The following PARD3 variants were observed in gnomAD, a reference collection of about 807,000 sequenced individuals.
The protein encoded by PARD3 is par-3 family cell polarity regulator.
PARD3 carries 75 observed loss-of-function variants against 155.4 expected under a neutral mutation model. The ratio of observed to expected loss-of-function variants is 0.48; its 90% CI spans 0.40 to 0.58. PARD3 has a LOEUF of 0.58. Ranked by LOEUF, PARD3 falls within the 20% of genes least tolerant of loss-of-function variation. PARD3 has a pLI of 0.00. For missense variants in PARD3, 1,642 were observed against 1,721.7 expected (o/e 0.95, Z 0.82); for synonymous variants, 576 against 610.5 (o/e 0.94, Z 0.83).
chr10:34,532,507 C>T (rs943245316), intron 2 of PARD3, among the ~76,000 whole-genome samples: 13 of 152,090 alleles, frequency 8.5e-5, no homozygotes, highest in African/African-American at 3.1e-4. Context: ...CTATGTGCCA[C>T]ATGGTGTGAA....
At chr10:34,691,278 T>C (rs1390752122) in intron 2 of PARD3, among the ~76,000 whole-genome samples, 2 of 152,058 alleles carry the variant, frequency 1.3e-5, no homozygotes, top group African/African-American at 2.4e-5. Context: ...TAAAAATCAG[T>C]AGCATTCCTA....
chr10:34,438,621 A>G (rs551385678), intron 5 of PARD3, among the ~76,000 whole-genome samples: 1 of 152,316 alleles, frequency 6.6e-6, no homozygotes, highest in South Asian at 2.1e-4. Context: ...TTGAAAGACT[A>G]TTTACCCAAA....
intron 2 of PARD3, among the ~76,000 whole-genome samples, chr10:34,616,853 T>A (rs977573570): frequency 6.8e-6 from 1 of 147,754 alleles, no homozygotes; most frequent in African/African-American, 2.5e-5. Context: ...AAGAAACATA[T>A]GAGCATGGGA....
intron 2 of PARD3, among the ~76,000 whole-genome samples, chr10:34,555,326 A>G (rs1268835776): frequency 6.6e-6 from 1 of 152,196 alleles, no homozygotes; most frequent in Non-Finnish European, 1.5e-5. Flanking sequence ...GTTACCTTTA[A>G]ACACATGAAC....
chr10:34,579,843 T>A (rs1403046381), intron 2 of PARD3, among the ~76,000 whole-genome samples: 2 of 151,124 alleles, frequency 1.3e-5, no homozygotes, highest in African/African-American at 4.9e-5. Flanking sequence ...CCTGACCTTG[T>A]GATCCGCCTG....
chr10:34,488,082 G>T (rs1351941508), intron 3 of PARD3, among the ~76,000 whole-genome samples: 1 of 152,040 alleles, frequency 6.6e-6, no homozygotes, highest in Non-Finnish European at 1.5e-5. Flanking sequence ...CTAGCAATTT[G>T]CCAATTTCAT....
rs371301395 is a variant in PARD3 at position 34,460,725 on chromosome 10, C to G, written c.582+9360G>C. Among the ~76,000 whole-genome samples the G allele has an allele frequency of 2.0e-5, 3 of 151,940 alleles. No homozygotes were observed. The South Asian group carries it at 6.2e-4, about 32-fold the overall frequency. On this transcript the variant is annotated intron_variant, in intron 4 of 24. Transcript: ENST00000374788. ...GCAGGCACCTGTAGTCCCAGCTACT[C>G]GGGAGGCTGAGGCAGGAGAATGGCA... is the stretch of plus-strand genomic sequence containing the variant.
intron 22 of PARD3, among the ~76,000 whole-genome samples, chr10:34,240,155 G>A (rs1162596477): frequency 1.3e-5 from 2 of 152,130 alleles, no homozygotes; most frequent in Non-Finnish European, 2.9e-5. Context: ...TAAGCAACTT[G>A]ATCGAGATAA....
intron 3 of PARD3, among the ~76,000 whole-genome samples, chr10:34,477,335 G>T (rs2078783431): frequency 6.6e-6 from 1 of 152,118 alleles, no homozygotes; most frequent in Non-Finnish European, 1.5e-5. Flanking sequence ...ATATTAAAAA[G>T]AAAATTCAAA....
At chr10:34,437,292 T>G (rs1020372293) in intron 5 of PARD3, among the ~76,000 whole-genome samples, 4 of 152,146 alleles carry the variant, frequency 2.6e-5, no homozygotes, top group Admixed American at 2.6e-4. Flanking sequence ...TACACTCCAG[T>G]GACTAAGAAA....
intron 14 of PARD3, among the ~76,000 whole-genome samples, chr10:34,353,996 T>A (rs1277330456): frequency 6.6e-6 from 1 of 151,408 alleles, no homozygotes; most frequent in Non-Finnish European, 1.5e-5. Flanking sequence ...TGTAGTTAGA[T>A]AAAACCATTA....
intron 5 of PARD3, among the ~76,000 whole-genome samples, chr10:34,441,379 G>A (rs553600085): frequency 6.6e-6 from 1 of 152,206 alleles, no homozygotes; most frequent in African/African-American, 2.4e-5. Context: ...CTGCCAAATG[G>A]GTATGATTTT....
chr10:34,163,766 C>T (rs1033208382), intron 22 of PARD3, among the ~76,000 whole-genome samples: 2 of 152,144 alleles, frequency 1.3e-5, no homozygotes, highest in Non-Finnish European at 2.9e-5. Flanking sequence ...GCTCACGCAC[C>T]GTTACGGGGG....
intron 2 of PARD3, among the ~76,000 whole-genome samples, chr10:34,594,432 G>A (rs1419975126): frequency 6.6e-6 from 1 of 152,132 alleles, no homozygotes; most frequent in African/African-American, 2.4e-5. Context: ...ACTGTGTGAT[G>A]CACTTATACC....
At chr10:34,619,597 G>C (rs2091494135) in intron 2 of PARD3, among the ~76,000 whole-genome samples, 1 of 151,902 alleles carries the variant, frequency 6.6e-6, no homozygotes, top group African/African-American at 2.4e-5. Flanking sequence ...GAATACTCCA[G>C]CATGGGTAGT....
chr10:34,234,668 T>G (rs1953121635), intron 22 of PARD3, among the ~76,000 whole-genome samples: 1 of 152,188 alleles, frequency 6.6e-6, no homozygotes, highest in African/African-American at 2.4e-5. Context: ...TACAAAATAT[T>G]TATTCATTTA....
At chr10:34,796,871 G>T (rs959093046) in intron 1 of PARD3, among the ~76,000 whole-genome samples, 4 of 152,188 alleles carry the variant, frequency 2.6e-5, no homozygotes, top group Non-Finnish European at 4.4e-5. Flanking sequence ...TGTAATCCCA[G>T]CTACTCGGGA....
chr10:34,678,677 T>C (rs555313042), intron 2 of PARD3, among the ~76,000 whole-genome samples: 27 of 152,182 alleles, frequency 1.8e-4, no homozygotes, highest in East Asian at 1.7e-3. Flanking sequence ...CATTCACAAA[T>C]GAATTGATAG....
At chr10:34,661,270 T>A (rs756803375) in intron 2 of PARD3, among the ~76,000 whole-genome samples, 3 of 152,198 alleles carry the variant, frequency 2.0e-5, no homozygotes, top group Non-Finnish European at 4.4e-5. Flanking sequence ...TTGTACCCAA[T>A]GTGCTGACAA....
Sources: gnomAD v4.1 joint callset for allele counts (sites outside exome capture counted in the v4.1 genomes callset) on GRCh38, gnomAD v4.1.1 for gene constraint, MANE v1.5 for transcripts, NCBI Gene and HGNC (gene_info 2026-07-23, HGNC 2026-07-21) for gene names.